Variants in CFAP20DC observed in about 807,000 individuals in gnomAD.
CFAP20DC encodes the protein protein CFAP20DC.
In CFAP20DC, 84 loss-of-function variants were observed where a neutral mutation model predicts 101.7. That is an observed-to-expected ratio of 0.83 (90% CI 0.69 to 0.99). The LOEUF is 0.99. Among genes scored for constraint, CFAP20DC ranks in the 50% least tolerant of loss-of-function variants. The pLI is 0.00. For synonymous variants in CFAP20DC, 359 were observed against 351.2 expected (o/e 1.02, Z -0.25); for missense variants, 1,007 against 970.3 (o/e 1.04, Z -0.50).
intron 11 of CFAP20DC, among the ~76,000 whole-genome samples, chr3:58,865,805 A>C (rs1361568126): frequency 6.6e-6 from 1 of 152,228 alleles, no homozygotes; most frequent in Non-Finnish European, 1.5e-5. Context: ...CAAACATATT[A>C]TCAACTGTCA....
In CFAP20DC at chr3:59,022,072, A is replaced by G. The variant is rs557449914; in HGVS notation, c.278+17485T>C. Among the ~76,000 whole-genome samples, 14 of 152,222 alleles carry G rather than the reference A, an allele frequency of 9.2e-5. 1 individual carries two copies. The highest frequency in any genetic ancestry group is 3.1e-4 in the African/African-American group (13 of 41,554). On this transcript the variant is annotated intron_variant, in intron 4 of 16. Coordinates refer to ENST00000482387, the MANE Select transcript of CFAP20DC (RefSeq NM_001394063.1). Reference sequence around the variant, plus strand: ...TTTTGAAGGGGAGGAATGGGAGAGAAGTAGAAACCTGAGGTATCATAACAG... The same window carrying G: ...TTTTGAAGGGGAGGAATGGGAGAGAGGTAGAAACCTGAGGTATCATAACAG...
At chr3:58,969,445 A>G (rs1237647428) in intron 4 of CFAP20DC, among the ~76,000 whole-genome samples, 2 of 152,208 alleles carry the variant, frequency 1.3e-5, no homozygotes, top group African/African-American at 2.4e-5. Context: ...AAAGTTCCAT[A>G]TGACCCAGCA....
At chr3:58,841,806 A>G (rs1232394726) in intron 13 of CFAP20DC, among the ~76,000 whole-genome samples, 4 of 152,326 alleles carry the variant, frequency 2.6e-5, no homozygotes, top group African/African-American at 4.8e-5. Flanking sequence ...TGTCTTTCTT[A>G]TGAAACTACG....
chr3:58,904,441 T>C (rs977541359), intron 6 of CFAP20DC, among the ~76,000 whole-genome samples: 1 of 152,098 alleles, frequency 6.6e-6, no homozygotes, highest in African/African-American at 2.4e-5. Flanking sequence ...ATACCCCCTA[T>C]CTTGTCCTGA....
chr3:58,891,330 G>A (rs1219641330), intron 6 of CFAP20DC, among the ~76,000 whole-genome samples: 2 of 151,678 alleles, frequency 1.3e-5, no homozygotes. Context: ...AGGAGAATCA[G>A]GCAGGGAGGT....
chr3:58,784,966 G>A (rs563038492), intron 15 of CFAP20DC, among the ~76,000 whole-genome samples: 5 of 152,096 alleles, frequency 3.3e-5, no homozygotes, highest in African/African-American at 1.2e-4. Flanking sequence ...TATATCAAAG[G>A]GATACCTGCA....
At chr3:58,884,986 C>T (rs1245019994) in intron 6 of CFAP20DC, among the ~76,000 whole-genome samples, 1 of 152,006 alleles carries the variant, frequency 6.6e-6, no homozygotes, top group East Asian at 1.9e-4. Context: ...TGGAAATATT[C>T]CATATTTTCT....
At chr3:58,845,282 A>C (rs1229862075) in intron 13 of CFAP20DC, among the ~76,000 whole-genome samples, 1 of 151,416 alleles carries the variant, frequency 6.6e-6, no homozygotes, top group Non-Finnish European at 1.5e-5. Context: ...TAATAAAGAA[A>C]AAAAGAGAGA....
intron 15 of CFAP20DC, among the ~76,000 whole-genome samples, chr3:58,765,620 G>A (rs1349359373): frequency 1.3e-5 from 2 of 151,560 alleles, no homozygotes; most frequent in Non-Finnish European, 2.9e-5. Flanking sequence ...ATTTGGCGTA[G>A]TCACTATTTC....
chr3:59,049,628 A>G lies in CFAP20DC; in HGVS notation c.4T>C (p.Phe2Leu). M[F>L]KNEYQGGAFV... is the part of the protein sequence containing the mutation. ...CGGGTTACCTGGTACTCATTTTTGA[A>G]CATTCCCGCAGGGGGCCCAGGGCTT... The change falls in exon 1 of 17, where the codon TTC (phenylalanine) becomes CTC (leucine). Residue 2 changes from phenylalanine (F) to leucine (L), a missense_variant. Phe to Leu is a conservative substitution (Grantham distance 22, BLOSUM62 0). Transcript: ENST00000482387. 6.5e-7 allele frequency: 1 copy of G among 1,536,120 alleles called. No homozygotes were observed. Among genetic ancestry groups the G allele is most frequent in the Non-Finnish European group, 8.7e-7 (1 of 1,146,888 alleles).
At position 58,863,287 on chromosome 3, in the gene CFAP20DC, T is replaced by A. The variant is rs2079401356; in HGVS notation, c.1593+271A>T. On this transcript the variant is annotated intron_variant, in intron 12 of 16. Coordinates refer to ENST00000482387, the MANE Select transcript of CFAP20DC (RefSeq NM_001394063.1). This position sits in a 1 kb window ranked among gnomAD's most constrained non-coding sequence, Gnocchi z 5.9. The stretch of plus-strand genomic sequence containing the variant: ...AAACTGCATATCGTTTCTCATCCTG[T>A]GATTCAAAGATTAAAATGAAAAAAC... The A allele has an allele frequency of 1.4e-6, 2 of 1,408,412 alleles. No homozygotes were observed. Among genetic ancestry groups the A allele is most frequent in the African/African-American group, 2.9e-5 (2 of 69,210 alleles). 87.2% of individuals were successfully genotyped at this position (1,408,412 alleles called of 1,614,324 possible). A position where few individuals can be genotyped will look rare whatever the true frequency, so the allele number is the denominator to read the frequency against.
chr3:58,745,085 C>T (rs1459594395), intron 16 of CFAP20DC, among the ~76,000 whole-genome samples: 3 of 152,112 alleles, frequency 2.0e-5, no homozygotes, highest in Non-Finnish European at 2.9e-5. Context: ...AGGAAGGCTG[C>T]GTTTCCTTTA....
chr3:59,003,583 A>G (rs2093364455), intron 4 of CFAP20DC, among the ~76,000 whole-genome samples: 1 of 152,214 alleles, frequency 6.6e-6, no homozygotes, highest in African/African-American at 2.4e-5. Context: ...TTATAAGCCT[A>G]TATACAAACA....
intron 12 of CFAP20DC, among the ~76,000 whole-genome samples, chr3:58,850,791 T>C (rs1027396798): frequency 6.6e-6 from 1 of 152,178 alleles, no homozygotes; most frequent in South Asian, 2.1e-4. Context: ...CTTCAATTTA[T>C]AGACACACAG....
chr3:58,919,252 G>A (rs2085077320), intron 5 of CFAP20DC, among the ~76,000 whole-genome samples: 1 of 152,064 alleles, frequency 6.6e-6, no homozygotes, highest in East Asian at 1.9e-4. Flanking sequence ...GTGTATATTG[G>A]TAGTTTTTTT....
intron 15 of CFAP20DC, among the ~76,000 whole-genome samples, chr3:58,766,926 T>G (rs2070373214): frequency 6.6e-6 from 1 of 152,238 alleles, no homozygotes; most frequent in African/African-American, 2.4e-5. Context: ...TGACATCCCC[T>G]CTTCAATCTA....
In CFAP20DC at chr3:58,897,296, C is replaced by A. The variant is rs1392140215; in HGVS notation, c.551-12587G>T. ...TGTGTCTTTGCACATGAGATGGCAG[C>A]ATACCATGAATCTTGGCTCATTATC... On this transcript the variant is annotated intron_variant, in intron 6 of 16. Coordinates refer to ENST00000482387, the MANE Select transcript of CFAP20DC (RefSeq NM_001394063.1). This position sits in a 1 kb window ranked among gnomAD's most constrained non-coding sequence, Gnocchi z 4.4. 6.6e-6 allele frequency among the ~76,000 whole-genome samples: 1 copy of A among 152,014 alleles called. No individual in the cohort carries two copies. Among genetic ancestry groups the A allele is most frequent in the Non-Finnish European group, 1.5e-5 (1 of 67,942 alleles).
chr3:59,021,984 T>C (rs1198506694), intron 4 of CFAP20DC, among the ~76,000 whole-genome samples: 1 of 152,014 alleles, frequency 6.6e-6, no homozygotes, highest in African/African-American at 2.4e-5. Context: ...TTAAAATAAG[T>C]TGCTTTGTTT....
chr3:58,804,253 T>A (rs1000663319), intron 15 of CFAP20DC, among the ~76,000 whole-genome samples: 1 of 152,198 alleles, frequency 6.6e-6, no homozygotes, highest in African/African-American at 2.4e-5. Context: ...TATACTATGT[T>A]ATAGAATTAG....
Sources: gnomAD v4.1 joint callset for allele counts (sites outside exome capture counted in the v4.1 genomes callset) on GRCh38, gnomAD v4.1.1 for gene constraint, Gnocchi (gnomAD v3.1) non-coding constraint, MANE v1.5 for transcripts, NCBI Gene and HGNC (gene_info 2026-07-23, HGNC 2026-07-21) for gene names.